The following GGTA1 variants were observed in gnomAD, a reference collection of about 807,000 sequenced individuals.
GGTA1 encodes the protein inactive N-acetyllactosaminide alpha-1,3-galactosyltransferase.
GGTA1 carries 5 observed loss-of-function variants against 2.6 expected under a neutral mutation model. The observed-to-expected ratio is 1.92, with a 90% confidence interval of 1.00 to 4.04. The LOEUF (loss-of-function observed/expected upper bound fraction) is 4.04, where lower values mean the gene tolerates loss of function less well. Among genes scored for constraint, GGTA1 ranks in the 30% most tolerant of loss-of-function variants. The probability of loss-of-function intolerance (pLI) is 0.00; values close to 1 mark genes in which losing one functional copy is unlikely to be tolerated. For missense variants in GGTA1, 50 were observed against 16.7 expected (o/e 2.99, Z -3.47); for synonymous variants, 17 against 5.0 (o/e 3.38, Z -3.19).
intron 1 of GGTA1, among the ~76,000 whole-genome samples, chr9:121,482,318 A>T (rs1368144572): frequency 6.6e-6 from 1 of 152,150 alleles, no homozygotes; most frequent in Non-Finnish European, 1.5e-5. Flanking sequence ...AAATGTAAAA[A>T]TGAGCTGGGC....
intron 1 of GGTA1, among the ~76,000 whole-genome samples, chr9:121,483,601 C>T (rs1828698796): frequency 6.6e-6 from 1 of 152,196 alleles, no homozygotes; most frequent in South Asian, 2.1e-4. Context: ...CCGTGTCCAG[C>T]CCCGAGTTGA....
In GGTA1 at chr9:121,486,052, T is replaced by C. The variant is rs192039433; in HGVS notation, c.-10+13598A>G. On this transcript the variant is annotated intron_variant, in intron 1 of 5. Coordinates refer to ENST00000481799, the MANE Select transcript of GGTA1 (RefSeq NM_001382585.1). ...ACAAAACAAAGGTTTAGGTGGAAAC[T>C]TCTAGGCTCTTTTCCCCTCTGATAA... 1.4e-3 allele frequency among the ~76,000 whole-genome samples: 208 copies of C among 152,312 alleles called. 2 individuals carry two copies. Among genetic ancestry groups the C allele is most frequent in the Admixed American group, 0.012 (191 of 15,294 alleles).
intron 1 of GGTA1, chr9:121,479,339 C>T (rs896435190): frequency 1.4e-4 from 49 of 351,702 alleles, no homozygotes; most frequent in African/African-American, 6.2e-4. Context: ...CAACTCCTGT[C>T]GAAAGAATAA....
At chr9:121,475,635 ATGGTTTT>A (rs1828494766) in intron 1 of GGTA1, among the ~76,000 whole-genome samples, 1 of 152,186 alleles carries the variant, frequency 6.6e-6, no homozygotes, top group Non-Finnish European at 1.5e-5. Flanking sequence ...TGTGCTCCAG[ATGGTTTT>A]TGGAACTGGA....
chr9:121,467,094 T>C lies in GGTA1; in HGVS notation c.80+749A>G, dbSNP rs144273314. On this transcript the variant is annotated intron_variant, in intron 2 of 5. Transcript: ENST00000481799. ...AGCTCTGTACAACTCAATTGTACAG[T>C]AGATTTTTTGAACCTTAAGGCTGAG... 8.5e-5 allele frequency among the ~76,000 whole-genome samples: 13 copies of C among 152,216 alleles called. No individual in the cohort carries two copies. The East Asian group carries it at 2.3e-3, about 27-fold the overall frequency.
chr9:121,460,376 A>G (rs905385943), intron 4 of GGTA1, among the ~76,000 whole-genome samples, 157 bp from the exon 5 acceptor site: 4 of 152,246 alleles, frequency 2.6e-5, no homozygotes, highest in Non-Finnish European at 5.9e-5. Context: ...GCGTTTATTC[A>G]TAAAGACATA....
At chr9:121,496,766 A>AGG (rs1829004276) in intron 1 of GGTA1, among the ~76,000 whole-genome samples, 1 of 144,156 alleles carries the variant, frequency 6.9e-6, no homozygotes, top group Non-Finnish European at 1.5e-5. Flanking sequence ...AAAGAGAGAG[A>AGG]GAATCGCTTG....
At chr9:121,458,923 C>G (rs1488397094) in intron 5 of GGTA1, among the ~76,000 whole-genome samples, 1 of 152,202 alleles carries the variant, frequency 6.6e-6, no homozygotes, top group Non-Finnish European at 1.5e-5. Flanking sequence ...CTGGCGGAGT[C>G]TCATTGCCCC....
chr9:121,450,561 G>A (rs1050556999), downstream of GGTA1, among the ~76,000 whole-genome samples: 1 of 152,210 alleles, frequency 6.6e-6, no homozygotes, highest in Non-Finnish European at 1.5e-5. Context: ...GCAATTTACA[G>A]TTTAGTTGTG....
At chr9:121,479,962 C>A (rs535042293) in intron 1 of GGTA1, among the ~76,000 whole-genome samples, 1 of 152,354 alleles carries the variant, frequency 6.6e-6, no homozygotes, top group Non-Finnish European at 1.5e-5. Flanking sequence ...TAATGCTTAA[C>A]CCTTCCCATA....
At chr9:121,489,206 A>G (rs1828822567) in intron 1 of GGTA1, among the ~76,000 whole-genome samples, 1 of 152,102 alleles carries the variant, frequency 6.6e-6, no homozygotes, top group Non-Finnish European at 1.5e-5. Context: ...TATATTTTAT[A>G]TATATTTTTT....
At chr9:121,462,316 C>G (rs971821311) in intron 3 of GGTA1, among the ~76,000 whole-genome samples, 12 of 150,798 alleles carry the variant, frequency 8.0e-5, no homozygotes, top group African/African-American at 2.7e-4. Flanking sequence ...CAGAGCAAGA[C>G]TCCGTCTCAG....
At chr9:121,460,572 G>C (rs1347150573) in intron 4 of GGTA1, among the ~76,000 whole-genome samples, 1 of 152,182 alleles carries the variant, frequency 6.6e-6, no homozygotes, top group African/African-American at 2.4e-5. Flanking sequence ...CCCAGGCCAG[G>C]CATGGTGGAT....
In GGTA1 at chr9:121,499,760, G is replaced by A. The variant is rs1328836688; in HGVS notation, c.-120C>T. 6.6e-6 allele frequency: 1 copy of A among 152,028 alleles called. No homozygotes were observed. Among genetic ancestry groups the A allele is most frequent in the Non-Finnish European group, 1.5e-5 (1 of 68,034 alleles). The allele number at this position is 152,028 out of a possible 1,614,324, so 9.4% of individuals were successfully genotyped here. On this transcript the variant is annotated 5_prime_UTR_variant, in exon 1 of 6. Transcript: ENST00000481799. ...GCCCTACGCGCTCTGATCAGCCACC[G>A]CGCCGCCTCCGCCCGAGCGGAGGCG...
At chr9:121,457,797 G>A (rs1459062276) in intron 5 of GGTA1, among the ~76,000 whole-genome samples, 1 of 151,854 alleles carries the variant, frequency 6.6e-6, no homozygotes, top group Admixed American at 6.6e-5. Context: ...AGAGGGAGCT[G>A]CCCCTCTCGG....
At chr9:121,449,084 G>GCTT (rs1180722086) in intron 7 of GGTA1, among the ~76,000 whole-genome samples, 1 of 152,096 alleles carries the variant, frequency 6.6e-6, no homozygotes, top group Non-Finnish European at 1.5e-5. Context: ...TTTCAGTGTG[G>GCTT]CTTCTTTTAC....
chr9:121,449,584 G>A (rs1341804180), intron 7 of GGTA1, among the ~76,000 whole-genome samples: 6 of 152,188 alleles, frequency 3.9e-5, no homozygotes, highest in African/African-American at 1.4e-4. Context: ...GCTCACGCCT[G>A]TAATCCCAGC....
intron 5 of GGTA1, among the ~76,000 whole-genome samples, chr9:121,456,062 G>A (rs1472503998): frequency 6.6e-6 from 1 of 152,084 alleles, no homozygotes; most frequent in East Asian, 1.9e-4. Flanking sequence ...CTGCATCAAG[G>A]AGTCTTAGTC....
chr9:121,486,215 CAGG>C (rs1166610800), intron 1 of GGTA1, among the ~76,000 whole-genome samples: 6 of 152,240 alleles, frequency 3.9e-5, no homozygotes, highest in East Asian at 1.9e-4. Flanking sequence ...GGCTATCTGA[CAGG>C]AGAACAGTGT....
Sources: gnomAD v4.1 joint callset for allele counts (sites outside exome capture counted in the v4.1 genomes callset) on GRCh38, gnomAD v4.1.1 for gene constraint, MANE v1.5 for transcripts, NCBI Gene and HGNC (gene_info 2026-07-23, HGNC 2026-07-21) for gene names.